TMEM245: variants seen among roughly 807,000 people sequenced by gnomAD.
TMEM245 encodes the protein transmembrane protein 245.
Under a neutral mutation model 101.2 loss-of-function variants are expected in TMEM245, and 69 were observed. The observed-to-expected ratio is 0.68, with a 90% CI of 0.56 to 0.83. The LOEUF (loss-of-function observed/expected upper bound fraction) is 0.83, where lower values mean the gene tolerates loss of function less well. TMEM245 is among the 40% of genes least tolerant of loss of function. The probability of loss-of-function intolerance (pLI) is 0.00; values close to 1 mark genes in which losing one functional copy is unlikely to be tolerated. For synonymous variants in TMEM245, 537 were observed against 449.8 expected (o/e 1.19, Z -2.45); for missense variants, 1,075 against 1,092.8 (o/e 0.98, Z 0.23).
chr9:109,080,158 T>C (rs895715560), intron 8 of TMEM245, among the ~76,000 whole-genome samples: 1 of 152,102 alleles, frequency 6.6e-6, no homozygotes, highest in Non-Finnish European at 1.5e-5. Context: ...TGATTTCACA[T>C]AAGCTTCACC....
chr9:109,089,078 C>G (rs998352049), intron 5 of TMEM245, among the ~76,000 whole-genome samples: 3 of 151,900 alleles, frequency 2.0e-5, no homozygotes, highest in Non-Finnish European at 4.4e-5. Flanking sequence ...GAGTTTGAGA[C>G]CAGCCTGGGC....
intron 11 of TMEM245, 56 bp downstream of exon 11, chr9:109,060,298 G>T: frequency 8.0e-7 from 1 of 1,244,254 alleles, no homozygotes; most frequent in Non-Finnish European, 1.2e-6. Context: ...TAGTTGATGA[G>T]TCAATAAAAG....
rs1023443522 is a variant in TMEM245 at position 109,089,534 on chromosome 9, G to C, written c.1150+1388C>G. ...AGGAAATGAGGAGTAATCAAATGTA[G>C]AAGGTACTCAGAAGGCAAAATCCAC... On this transcript the variant is annotated intron_variant, in intron 5 of 17. Coordinates refer to ENST00000374586, the MANE Select transcript of TMEM245 (RefSeq NM_032012.4). Among the ~76,000 whole-genome samples, 4 of 152,164 alleles carry C rather than the reference G, an allele frequency of 2.6e-5. No individual in the cohort carries two copies. The South Asian group carries it at 6.2e-4, about 24-fold the overall frequency.
chr9:109,114,130 G>A (rs1039538762), intron 1 of TMEM245, among the ~76,000 whole-genome samples: 4 of 152,108 alleles, frequency 2.6e-5, no homozygotes, highest in Non-Finnish European at 5.9e-5. Flanking sequence ...CCAAGTTATG[G>A]AGCCACAGCC....
intron 14 of TMEM245, among the ~76,000 whole-genome samples, chr9:109,050,005 T>G (rs1828624181): frequency 6.6e-6 from 1 of 152,222 alleles, no homozygotes; most frequent in South Asian, 2.1e-4. Context: ...TTGTCCAGGC[T>G]GATCTCAGAC....
chr9:109,027,727 GTGGTGCAATGTGCAA>G (rs1827830585), intron 17 of TMEM245, among the ~76,000 whole-genome samples: 1 of 152,010 alleles, frequency 6.6e-6, no homozygotes, highest in Admixed American at 6.5e-5. Context: ...CTGCAGTGCA[GTGGTGCAATGTGCAA>G]TGGTGCAATC....
chr9:109,095,033 C>T (rs998083397), intron 3 of TMEM245, among the ~76,000 whole-genome samples: 3 of 152,300 alleles, frequency 2.0e-5, no homozygotes, highest in African/African-American at 4.8e-5. Flanking sequence ...AGAGTACTCA[C>T]CTTGCTCAGT....
At chr9:109,060,788 C>T (rs1828988658) in intron 10 of TMEM245, among the ~76,000 whole-genome samples, 1 of 152,162 alleles carries the variant, frequency 6.6e-6, no homozygotes, top group Non-Finnish European at 1.5e-5. Flanking sequence ...TCCCAGTGAC[C>T]TTCCATTATA....
At chr9:109,088,540 T>G in intron 5 of TMEM245, among the ~76,000 whole-genome samples, 1 of 151,186 alleles carries the variant, frequency 6.6e-6, no homozygotes, top group East Asian at 1.9e-4. Context: ...AAAAAAAGTA[T>G]GGAACAGGGC....
chr9:109,048,674 C>T (rs1042663791), intron 14 of TMEM245, among the ~76,000 whole-genome samples: 1 of 152,108 alleles, frequency 6.6e-6, no homozygotes, highest in African/African-American at 2.4e-5. Context: ...ACAGGGATTA[C>T]AGGAGGGGCT....
intron 7 of TMEM245, among the ~76,000 whole-genome samples, chr9:109,082,849 G>GA (rs1481160634): frequency 3.3e-5 from 5 of 151,958 alleles, no homozygotes; most frequent in African/African-American, 1.2e-4. Flanking sequence ...CATAAAGGTT[G>GA]AAAAAAATTC....
chr9:109,047,840 T>G (rs115469768), intron 14 of TMEM245, among the ~76,000 whole-genome samples: 1 of 152,262 alleles, frequency 6.6e-6, no homozygotes, highest in Non-Finnish European at 1.5e-5. Context: ...GGAGAATTCC[T>G]ACCAGCCTTT....
chr9:109,050,358 A>G lies in TMEM245; in HGVS notation c.2048T>C (p.Val683Ala), dbSNP rs1480492803. The G allele has an allele frequency of 2.8e-5, 45 of 1,613,986 alleles. No homozygotes were observed. The Admixed American group carries it at 7.5e-4, about 27-fold the overall frequency. The change falls in exon 14 of 18, where the codon GTG becomes GCG. Residue 683 changes from valine (V) to alanine (A), a missense_variant. Physicochemically the swap from Val to Ala is moderately conservative, Grantham distance 64 (BLOSUM62 0). This residue lies in a region of TMEM245 where 267 missense variants were observed against 351.3 expected (regional missense o/e 0.76). Coordinates refer to ENST00000374586, the MANE Select transcript of TMEM245 (RefSeq NM_032012.4). ...CTGAGATAGTGGAGTCAGGCTTATC[A>G]CCCACTTCACTGGCTTGTAGTACTC... Reference protein sequence around the residue: ...SDEYYKPVKWVISLTPLSQPG... With the variant: ...SDEYYKPVKWAISLTPLSQPG...
Position 109,046,379 on chromosome 9 carries a change from G to A in TMEM245, c.2123+3904C>T, listed in dbSNP as rs1828494444. Reference sequence around the variant, plus strand: ...GGAGACAACATGCTGCTGAAGAGAGGAAAATGGTCTGGGGATAAAGGATGC... The same window carrying A: ...GGAGACAACATGCTGCTGAAGAGAGAAAAATGGTCTGGGGATAAAGGATGC... On this transcript the variant is annotated intron_variant, in intron 14 of 17. Coordinates refer to ENST00000374586, the MANE Select transcript of TMEM245 (RefSeq NM_032012.4). 1.5e-5 allele frequency: 7 copies of A among 482,592 alleles called. 1 individual carries two copies. Among genetic ancestry groups the A allele is most frequent in the African/African-American group, 2.0e-5 (1 of 51,218 alleles). 29.9% of individuals were successfully genotyped at this position (482,592 alleles called of 1,614,324 possible). A position where few individuals can be genotyped will look rare whatever the true frequency, so the allele number is the denominator to read the frequency against.
rs181220845 is a variant in TMEM245 at position 109,018,301 on chromosome 9, T to C, written c.*2159A>G. On this transcript the variant is annotated 3_prime_UTR_variant, in exon 18 of 18. Coordinates refer to ENST00000374586, the MANE Select transcript of TMEM245 (RefSeq NM_032012.4). ...TTTAATGCAAAAAATTTAAATTTAG[T>C]ATTACATATGATCTGGCTAAGAGCA... The C allele has an allele frequency of 2.0e-5, 3 of 152,318 alleles. No homozygotes were observed. The highest frequency in any genetic ancestry group is 7.2e-5 in the African/African-American group (3 of 41,550). The allele number at this position is 152,318 out of a possible 1,614,324, so 9.4% of individuals were successfully genotyped here.
chr9:109,100,191 T>C (rs769022930), intron 3 of TMEM245, among the ~76,000 whole-genome samples: 2 of 152,172 alleles, frequency 1.3e-5, no homozygotes, highest in Non-Finnish European at 2.9e-5. Context: ...CTGAAGGAGC[T>C]GACAACTACA....
intron 3 of TMEM245, among the ~76,000 whole-genome samples, chr9:109,099,848 C>T (rs1830239351): frequency 6.6e-6 from 1 of 152,110 alleles, no homozygotes; most frequent in Non-Finnish European, 1.5e-5. Context: ...GGTGATTAGG[C>T]CATCAGGGCT....
chr9:109,045,511 G>T (rs779321461), intron 14 of TMEM245, among the ~76,000 whole-genome samples: 1 of 152,208 alleles, frequency 6.6e-6, no homozygotes, highest in African/African-American at 2.4e-5. Flanking sequence ...TTTTCATACA[G>T]TAATACATGG....
At chr9:109,060,610 G>T (rs7850017) in intron 10 of TMEM245, among the ~76,000 whole-genome samples, 158 bp from the exon 11 acceptor site, 2 of 152,176 alleles carry the variant, frequency 1.3e-5, no homozygotes, top group African/African-American at 4.8e-5. Flanking sequence ...ATCTACTCCT[G>T]AGTATTCCCA....
Sources: gnomAD v4.1 joint callset for allele counts (sites outside exome capture counted in the v4.1 genomes callset) on GRCh38, gnomAD v4.1.1 for gene constraint, gnomAD v4.1.1 regional missense constraint, MANE v1.5 for transcripts, NCBI Gene and HGNC (gene_info 2026-07-23, HGNC 2026-07-21) for gene names.